HDAC9: variants seen among roughly 807,000 people sequenced by gnomAD.
The protein encoded by HDAC9 is MEF-2 interacting transcription repressor (MITR) protein.
HDAC9 carries 41 observed loss-of-function variants against 139.4 expected under a neutral mutation model. That is an observed-to-expected ratio of 0.29 (90% confidence interval 0.23 to 0.38). HDAC9 has a LOEUF of 0.38. Ranked by LOEUF, HDAC9 falls within the 10% of genes least tolerant of loss-of-function variation. The probability of loss-of-function intolerance (pLI) is 1.00; values close to 1 mark genes in which losing one functional copy is unlikely to be tolerated. For missense variants in HDAC9, 1,147 were observed against 1,297.0 expected (o/e 0.88, Z 1.78); for synonymous variants, 517 against 476.2 (o/e 1.09, Z -1.12).
intron 13 of HDAC9, among the ~76,000 whole-genome samples, chr7:18,733,758 C>G (rs1786621540): frequency 6.6e-6 from 1 of 151,980 alleles, no homozygotes; most frequent in South Asian, 2.1e-4. Context: ...ATTACCTTCA[C>G]ACATGTTTTG....
At chr7:18,414,622 C>T (rs1788876930) in intron 1 of HDAC9, among the ~76,000 whole-genome samples, 1 of 152,092 alleles carries the variant, frequency 6.6e-6, no homozygotes, top group South Asian at 2.1e-4. Flanking sequence ...TTTTTTACAT[C>T]TTGCTATTTC....
At chr7:18,407,296 G>A (rs1221213171) in intron 1 of HDAC9, among the ~76,000 whole-genome samples, 7 of 152,166 alleles carry the variant, frequency 4.6e-5, no homozygotes, top group East Asian at 1.9e-4. Context: ...GGACCCAAGA[G>A]TCATTTGTTC....
Position 18,758,483 on chromosome 7 carries a change from C to T in HDAC9, c.2044-3674C>T, listed in dbSNP as rs561324172. Among the ~76,000 whole-genome samples the T allele has an allele frequency of 9.2e-5, 14 of 152,096 alleles. No homozygotes were observed. The South Asian group carries it at 2.3e-3, about 25-fold the overall frequency. ...AAGTTGAAAATATGAGAAGTGATTACGTGGGAATATCTATATTTAAGCCTA... is the reference window on the plus strand; with the variant it reads ...AAGTTGAAAATATGAGAAGTGATTATGTGGGAATATCTATATTTAAGCCTA... On this transcript the variant is annotated intron_variant, in intron 14 of 25. Transcript: ENST00000686413.
chr7:18,967,231 T>G (rs1001671500), intron 24 of HDAC9, among the ~76,000 whole-genome samples: 16 of 152,226 alleles, frequency 1.1e-4, no homozygotes, highest in South Asian at 2.1e-4. Context: ...TGCATTTATG[T>G]AACACTCCAT....
At chr7:18,871,025 T>G (rs1370993693) in intron 21 of HDAC9, among the ~76,000 whole-genome samples, 1 of 152,190 alleles carries the variant, frequency 6.6e-6, no homozygotes, top group Non-Finnish European at 1.5e-5. Context: ...CTTGTTCCAA[T>G]GGTAATTATA....
chr7:18,639,046 A>T (rs999992028), intron 8 of HDAC9, among the ~76,000 whole-genome samples: 1 of 152,046 alleles, frequency 6.6e-6, no homozygotes, highest in African/African-American at 2.4e-5. Context: ...GTTTATTTCT[A>T]GTTGAACATT....
At chr7:18,820,895 T>A (rs923337006) in intron 17 of HDAC9, among the ~76,000 whole-genome samples, 1 of 152,182 alleles carries the variant, frequency 6.6e-6, no homozygotes, top group Non-Finnish European at 1.5e-5. Context: ...GGGCATATTA[T>A]AGAGTGTCTT....
At chr7:18,648,069 C>T (rs1448644556) in intron 10 of HDAC9, 71 bp downstream of exon 10, 1 of 1,220,298 alleles carries the variant, frequency 8.2e-7, no homozygotes, top group Non-Finnish European at 1.1e-6. Flanking sequence ...GATAATGTCT[C>T]TTTTACTCAA....
At chr7:18,208,060 A>G (rs1277214838) in intron 2 of HDAC9, among the ~76,000 whole-genome samples, 1 of 152,124 alleles carries the variant, frequency 6.6e-6, no homozygotes, top group South Asian at 2.1e-4. Context: ...GTTCCTTAGG[A>G]GTGGCACAGC....
At chr7:18,473,765 C>T (rs925989332) in intron 1 of HDAC9, among the ~76,000 whole-genome samples, 3 of 152,140 alleles carry the variant, frequency 2.0e-5, no homozygotes, top group Non-Finnish European at 2.9e-5. Flanking sequence ...TTATGTTTTC[C>T]GTAAAGCTTC....
chr7:18,311,741 A>G (rs1799333180), intron 1 of HDAC9, among the ~76,000 whole-genome samples: 1 of 152,168 alleles, frequency 6.6e-6, no homozygotes, highest in South Asian at 2.1e-4. Context: ...TCTCCCAAAT[A>G]TGGGGACAAT....
intron 2 of HDAC9, among the ~76,000 whole-genome samples, chr7:18,256,560 C>A (rs1795257017): frequency 6.6e-6 from 1 of 152,146 alleles, no homozygotes; most frequent in South Asian, 2.1e-4. Flanking sequence ...TAGCATAATT[C>A]ATTGTCATCA....
intron 1 of HDAC9, among the ~76,000 whole-genome samples, chr7:18,452,230 C>A (rs775313815): frequency 4.6e-5 from 7 of 152,148 alleles, no homozygotes; most frequent in Non-Finnish European, 8.8e-5. Flanking sequence ...ATGTAGTGAT[C>A]TTTCAAGACC....
At chr7:18,523,029 A>G (rs1231467792) in intron 2 of HDAC9, among the ~76,000 whole-genome samples, 1 of 152,230 alleles carries the variant, frequency 6.6e-6, no homozygotes, top group Non-Finnish European at 1.5e-5. Context: ...AGACTTTGCA[A>G]TATTGAGAAG....
At chr7:18,447,922 G>A (rs10243202) in intron 1 of HDAC9, among the ~76,000 whole-genome samples, 4 of 152,132 alleles carry the variant, frequency 2.6e-5, no homozygotes, top group African/African-American at 9.7e-5. Context: ...GCTCACTGCA[G>A]TTCTGCCTCC....
chr7:18,715,021 G>C (rs1427537993), intron 12 of HDAC9, among the ~76,000 whole-genome samples: 1 of 152,144 alleles, frequency 6.6e-6, no homozygotes, highest in South Asian at 2.1e-4. Flanking sequence ...ACTTAGAAAA[G>C]ACATTCTTTT....
At chr7:18,240,896 T>C (rs1329059419) in intron 2 of HDAC9, among the ~76,000 whole-genome samples, 1 of 152,204 alleles carries the variant, frequency 6.6e-6, no homozygotes. Flanking sequence ...TTTGCATTAT[T>C]TGCCTCTCCT....
At chr7:18,237,956 C>CT (rs922401698) in intron 2 of HDAC9, among the ~76,000 whole-genome samples, 7 of 152,132 alleles carry the variant, frequency 4.6e-5, no homozygotes, top group African/African-American at 1.7e-4. Context: ...GGCCATAAAT[C>CT]TTTTGTTTGG....
chr7:18,228,315 C>A (rs1250948401), intron 2 of HDAC9, among the ~76,000 whole-genome samples: 1 of 148,576 alleles, frequency 6.7e-6, no homozygotes, highest in Non-Finnish European at 1.5e-5. Flanking sequence ...TTTAATAAAG[C>A]AGATAAACTT....
Sources: gnomAD v4.1 joint callset for allele counts (sites outside exome capture counted in the v4.1 genomes callset) on GRCh38, gnomAD v4.1.1 for gene constraint, MANE v1.5 for transcripts, NCBI Gene and HGNC (gene_info 2026-07-23, HGNC 2026-07-21) for gene names.